The following ELOVL6 variants were observed in gnomAD, a reference collection of about 807,000 sequenced individuals.
ELOVL6 encodes the protein ELOVL fatty acid elongase 6, also known as very long chain fatty acid elongase 6.
In ELOVL6, 8 loss-of-function variants were observed where a neutral mutation model predicts 31.7. The ratio of observed to expected loss-of-function variants is 0.25; its 90% CI spans 0.15 to 0.45. ELOVL6 has a LOEUF of 0.45. Among genes scored for constraint, ELOVL6 ranks in the 20% least tolerant of loss-of-function variants. ELOVL6 has a pLI of 1.00. For synonymous variants in ELOVL6, 101 were observed against 117.7 expected (o/e 0.86, Z 0.92); for missense variants, 126 against 326.4 (o/e 0.39, Z 4.73).
intron 1 of ELOVL6, among the ~76,000 whole-genome samples, chr4:110,141,855 G>A (rs201909486): frequency 1.2e-4 from 15 of 126,628 alleles, no homozygotes; most frequent in East Asian, 2.3e-4. Flanking sequence ...AATACAATTA[G>A]TATATATATA....
intron 1 of ELOVL6, among the ~76,000 whole-genome samples, chr4:110,116,750 G>A (rs1215048031): frequency 6.6e-6 from 1 of 152,090 alleles, no homozygotes; most frequent in East Asian, 1.9e-4. Context: ...TGGCAATGCA[G>A]TTGTTTTATC....
rs1373473942 is a variant in ELOVL6, at chr4:110,108,298, A to G, written c.90-2670T>C. 2.0e-4 allele frequency among the ~76,000 whole-genome samples: 30 copies of G among 152,186 alleles called. 1 individual carries two copies. The highest frequency in any genetic ancestry group is 2.0e-3 in the Admixed American group (30 of 15,282). ...TGGTTGTATTAACTGTATTACTTGC[A>G]ATCATAAACCAAGTTAAATGAATAT... is the stretch of plus-strand genomic sequence containing the variant. On this transcript the variant is annotated intron_variant, in intron 1 of 3. Transcript: ENST00000302274.
At chr4:110,153,840 G>A (rs1478189821) in intron 1 of ELOVL6, among the ~76,000 whole-genome samples, 1 of 152,154 alleles carries the variant, frequency 6.6e-6, no homozygotes, top group African/African-American at 2.4e-5. Context: ...GGAATAATGG[G>A]CTATTTCTTA....
At chr4:110,129,039 C>T (rs1187005743) in intron 1 of ELOVL6, among the ~76,000 whole-genome samples, 1 of 152,182 alleles carries the variant, frequency 6.6e-6, no homozygotes, top group African/African-American at 2.4e-5. Flanking sequence ...TACTCAAAGG[C>T]AAACTTTTCA....
intron 1 of ELOVL6, among the ~76,000 whole-genome samples, chr4:110,171,411 A>AAAATAAAT (rs59222203): frequency 0.098 from 14,349 of 146,384 alleles, 1,096 homozygotes; most frequent in African/African-American, 0.21. Flanking sequence ...CTCCATCTCA[A>AAAATAAAT]AAATAAATAA....
chr4:110,101,903 A>G (rs1443350382), intron 2 of ELOVL6, among the ~76,000 whole-genome samples: 1 of 152,090 alleles, frequency 6.6e-6, no homozygotes, highest in Non-Finnish European at 1.5e-5. Flanking sequence ...TTATTTTCTA[A>G]TAAATCATAG....
At chr4:110,088,266 C>A (rs1314840212) in intron 2 of ELOVL6, among the ~76,000 whole-genome samples, 1 of 152,134 alleles carries the variant, frequency 6.6e-6, no homozygotes, top group Non-Finnish European at 1.5e-5. Context: ...AGAATAAACA[C>A]TAATTCTATC....
intron 1 of ELOVL6, among the ~76,000 whole-genome samples, chr4:110,180,584 A>G (rs1198293730): frequency 6.6e-6 from 1 of 152,158 alleles, no homozygotes; most frequent in Non-Finnish European, 1.5e-5. Flanking sequence ...TTTTTAATAA[A>G]GCAAGATGAG....
intron 1 of ELOVL6, among the ~76,000 whole-genome samples, chr4:110,136,377 C>T (rs1757809398): frequency 6.6e-6 from 1 of 152,144 alleles, no homozygotes. Context: ...AAAATGTTCA[C>T]TCTATATTGA....
At chr4:110,095,345 G>A (rs923456172) in intron 2 of ELOVL6, among the ~76,000 whole-genome samples, 6 of 152,106 alleles carry the variant, frequency 3.9e-5, no homozygotes, top group African/African-American at 1.4e-4. Flanking sequence ...AGCTGGGCGT[G>A]GTGGCACACG....
At chr4:110,096,567 G>A (rs1756585383) in intron 2 of ELOVL6, among the ~76,000 whole-genome samples, 1 of 152,164 alleles carries the variant, frequency 6.6e-6, no homozygotes, top group Admixed American at 6.5e-5. Context: ...TCAAGGGGGT[G>A]GGTGGGGATC....
At chr4:110,083,169 T>C (rs1195140465) in intron 2 of ELOVL6, among the ~76,000 whole-genome samples, 1 of 151,744 alleles carries the variant, frequency 6.6e-6, no homozygotes, top group Non-Finnish European at 1.5e-5. Context: ...ACAAAACCCA[T>C]ATTCTAGTGA....
chr4:110,158,655 ATATTTTT>A (rs1259089137), intron 1 of ELOVL6, among the ~76,000 whole-genome samples: 234 of 76,168 alleles, frequency 3.1e-3, no homozygotes, highest in African/African-American at 0.018. Context: ...ATATATATAT[ATATTTTT>A]TTTTTTTTTT....
chr4:110,080,432 T>C (rs1295796184), intron 2 of ELOVL6, among the ~76,000 whole-genome samples: 2 of 152,172 alleles, frequency 1.3e-5, no homozygotes, highest in African/African-American at 4.8e-5. Context: ...CAAGGCTGGT[T>C]CAGCATACGC....
chr4:110,184,207 G>A (rs180823418), intron 1 of ELOVL6, among the ~76,000 whole-genome samples: 5 of 152,228 alleles, frequency 3.3e-5, no homozygotes, highest in East Asian at 1.9e-4. Flanking sequence ...TTCACTTAAC[G>A]AAATACAAAG....
At chr4:110,119,639 T>A (rs1313454393) in intron 1 of ELOVL6, among the ~76,000 whole-genome samples, 1 of 151,878 alleles carries the variant, frequency 6.6e-6, no homozygotes, top group African/African-American at 2.4e-5. Context: ...TCTATATATC[T>A]TTTTACATCA....
At chr4:110,131,441 A>G (rs1260840156) in intron 1 of ELOVL6, among the ~76,000 whole-genome samples, 1 of 152,232 alleles carries the variant, frequency 6.6e-6, no homozygotes, top group Non-Finnish European at 1.5e-5. Flanking sequence ...TTTTAGAATT[A>G]TCAGTAACAA....
chr4:110,116,276 G>A (rs375516421), intron 1 of ELOVL6, among the ~76,000 whole-genome samples: 36 of 152,252 alleles, frequency 2.4e-4, no homozygotes, highest in African/African-American at 7.9e-4. Context: ...AAACTAAATC[G>A]TAAGATCTAA....
intron 2 of ELOVL6, among the ~76,000 whole-genome samples, chr4:110,101,186 T>C (rs1216563166): frequency 1.3e-5 from 2 of 152,074 alleles, no homozygotes; most frequent in African/African-American, 2.4e-5. Flanking sequence ...ATTACAGGCA[T>C]GTGCCACCAT....
Sources: allele counts gnomAD v4.1 joint callset (sites outside exome capture counted in the v4.1 genomes callset), GRCh38; gene constraint gnomAD v4.1.1; transcripts MANE v1.5; gene names NCBI Gene and HGNC (gene_info 2026-07-23, HGNC 2026-07-21).